EYS: variants seen among roughly 807,000 people sequenced by gnomAD.
EYS encodes the protein protein eyes shut homolog.
A neutral mutation model predicts 282.1 loss-of-function variants in EYS; 250 were observed. That is an observed-to-expected ratio of 0.89 (90% CI 0.80 to 0.98). The LOEUF (loss-of-function observed/expected upper bound fraction) is 0.98. Ranked by LOEUF, EYS falls within the 50% of genes least tolerant of loss-of-function variation. The pLI, the probability that EYS is intolerant of heterozygous loss-of-function variation, is 0.00. For synonymous variants in EYS, 1,355 were observed against 1,282.9 expected (o/e 1.06, Z -1.20); for missense variants, 4,016 against 3,709.0 (o/e 1.08, Z -2.15).
At chr6:64,624,987 C>T (rs1006607304) in intron 23 of EYS, among the ~76,000 whole-genome samples, 9 of 152,136 alleles carry the variant, frequency 5.9e-5, no homozygotes, top group East Asian at 3.9e-4. Context: ...GTAATCCTCT[C>T]GCCTCAATAT....
At chr6:64,661,298 A>G (rs1360448655) in intron 22 of EYS, among the ~76,000 whole-genome samples, 2 of 152,190 alleles carry the variant, frequency 1.3e-5, no homozygotes, top group Non-Finnish European at 2.9e-5. Flanking sequence ...AAGAAAACCT[A>G]GGCAATACCA....
At chr6:65,407,360 A>T (rs1221451936) in intron 5 of EYS, among the ~76,000 whole-genome samples, 6 of 152,020 alleles carry the variant, frequency 3.9e-5, no homozygotes, top group Non-Finnish European at 5.9e-5. Flanking sequence ...CATTCAAGTG[A>T]TTCTCCTGCC....
intron 31 of EYS, among the ~76,000 whole-genome samples, chr6:64,185,582 A>T (rs1177642193): frequency 2.0e-5 from 3 of 152,196 alleles, no homozygotes; most frequent in Non-Finnish European, 2.9e-5. Flanking sequence ...CTTTAAAAAC[A>T]ATGTGAAGAC....
At chr6:65,487,908 T>G (rs573692488) in intron 5 of EYS, among the ~76,000 whole-genome samples, 12 of 152,206 alleles carry the variant, frequency 7.9e-5, no homozygotes, top group African/African-American at 2.6e-4. Flanking sequence ...CTTGGGAGGG[T>G]GTATGTGTCC....
At chr6:65,598,474 T>C (rs1484868567) in intron 2 of EYS, among the ~76,000 whole-genome samples, 1 of 152,038 alleles carries the variant, frequency 6.6e-6, no homozygotes, top group Admixed American at 6.6e-5. Flanking sequence ...AAACAAAGCA[T>C]ATGAACCAAG....
intron 7 of EYS, among the ~76,000 whole-genome samples, chr6:65,399,491 T>C (rs1401498963): frequency 6.6e-6 from 1 of 152,032 alleles, no homozygotes; most frequent in Non-Finnish European, 1.5e-5. Context: ...ATAAAACACA[T>C]TCTTCTTGAA....
At chr6:65,058,905 G>A (rs1387209248) in intron 12 of EYS, among the ~76,000 whole-genome samples, 1 of 151,836 alleles carries the variant, frequency 6.6e-6, no homozygotes, top group Non-Finnish European at 1.5e-5. Context: ...TTATTTGAAT[G>A]GAAACATTCC....
intron 19 of EYS, among the ~76,000 whole-genome samples, chr6:64,840,918 C>T (rs9363267): frequency 0.092 from 14,020 of 152,064 alleles, 847 homozygotes; most frequent in East Asian, 0.32. Context: ...GCTAAATAGA[C>T]AAAGAACTAC....
chr6:65,102,754 A>G (rs1000609322), intron 12 of EYS, among the ~76,000 whole-genome samples: 1 of 151,290 alleles, frequency 6.6e-6, no homozygotes, highest in Non-Finnish European at 1.5e-5. Flanking sequence ...CAGGGAAAAC[A>G]TCTATTTTCC....
intron 1 of EYS, among the ~76,000 whole-genome samples, chr6:65,656,346 T>C (rs182171960): frequency 2.6e-5 from 4 of 151,976 alleles, no homozygotes; most frequent in Admixed American, 6.6e-5. Flanking sequence ...AAAGCTGAGA[T>C]AGGTTGAAAG....
At chr6:64,693,689 G>A (rs995462534) in intron 22 of EYS, among the ~76,000 whole-genome samples, 1 of 152,010 alleles carries the variant, frequency 6.6e-6, no homozygotes, top group Non-Finnish European at 1.5e-5. Context: ...CAATAAAAAT[G>A]CCTTCATGTC....
At chr6:65,281,035 C>CAAAAAAAAAAA (rs35633005) in intron 12 of EYS, among the ~76,000 whole-genome samples, 2 of 101,962 alleles carry the variant, frequency 2.0e-5, no homozygotes, top group Non-Finnish European at 3.7e-5. Flanking sequence ...GATGCCATCT[C>CAAAAAAAAAAA]AAAAAAAAAA....
At chr6:65,019,447 T>C (rs745552841) in intron 13 of EYS, among the ~76,000 whole-genome samples, 6 of 152,180 alleles carry the variant, frequency 3.9e-5, no homozygotes, top group African/African-American at 7.2e-5. Flanking sequence ...AAACCCTTGC[T>C]TGATCCTTAA....
intron 1 of EYS, among the ~76,000 whole-genome samples, chr6:65,692,199 A>T (rs894797993): frequency 6.7e-6 from 1 of 150,318 alleles, no homozygotes; most frequent in Non-Finnish European, 1.5e-5. Flanking sequence ...TTCACTTGTA[A>T]GTAAGAACTA....
chr6:64,489,779 T>G (rs1332806779), intron 26 of EYS, among the ~76,000 whole-genome samples: 1 of 150,716 alleles, frequency 6.6e-6, no homozygotes, highest in African/African-American at 2.4e-5. Context: ...ACCATTTGTT[T>G]CCTCATTAAA....
chr6:63,735,857 T>C (rs1768898862), intron 41 of EYS, among the ~76,000 whole-genome samples: 2 of 152,146 alleles, frequency 1.3e-5, no homozygotes, highest in South Asian at 4.1e-4. Context: ...TTCTTGACAG[T>C]TTTTAAGAGG....
At chr6:64,335,397 G>A (rs567782058) in intron 29 of EYS, among the ~76,000 whole-genome samples, 49 of 152,034 alleles carry the variant, frequency 3.2e-4, no homozygotes, top group South Asian at 8.3e-4. Context: ...CCTCCCTAGC[G>A]TGCCTGCAGG....
chr6:64,332,497 A>G (rs1412286311), intron 29 of EYS, among the ~76,000 whole-genome samples: 2 of 152,152 alleles, frequency 1.3e-5, no homozygotes, highest in African/African-American at 4.8e-5. Context: ...CCATATTGTG[A>G]TCTTGTCTAC....
intron 12 of EYS, among the ~76,000 whole-genome samples, chr6:65,263,774 C>G (rs1767680270): frequency 6.7e-6 from 1 of 148,946 alleles, no homozygotes; most frequent in Non-Finnish European, 1.5e-5. Context: ...ATTGTGGTAG[C>G]TTGCGCTTGT....
Sources: gnomAD v4.1 joint callset for allele counts (sites outside exome capture counted in the v4.1 genomes callset) on GRCh38, gnomAD v4.1.1 for gene constraint, MANE v1.5 for transcripts, NCBI Gene and HGNC (gene_info 2026-07-23, HGNC 2026-07-21) for gene names.